The following GRM8 variants were observed in gnomAD, a reference collection of about 807,000 sequenced individuals.
GRM8 encodes the protein metabotropic glutamate receptor 8.
A neutral mutation model predicts 87.2 loss-of-function variants in GRM8; 47 were observed. The observed-to-expected ratio is 0.54, with a 90% confidence interval of 0.43 to 0.69. GRM8 has a LOEUF of 0.69. GRM8 is among the 30% of genes least tolerant of loss of function. The pLI is 0.00. For synonymous variants in GRM8, 396 were observed against 404.5 expected (o/e 0.98, Z 0.25); for missense variants, 1,019 against 1,139.2 (o/e 0.89, Z 1.52).
At chr7:127,226,591 C>T (rs945559878) in intron 2 of GRM8, among the ~76,000 whole-genome samples, 3 of 152,132 alleles carry the variant, frequency 2.0e-5, no homozygotes, top group Non-Finnish European at 2.9e-5. Flanking sequence ...TTCCTAAGAG[C>T]AGAACTGGCA....
At chr7:126,971,246 T>A (rs1489333443) in intron 3 of GRM8, among the ~76,000 whole-genome samples, 2 of 148,812 alleles carry the variant, frequency 1.3e-5, no homozygotes. Context: ...ATGTTGTACA[T>A]CATAAACACA....
chr7:126,592,102 G>A (rs1562986999), intron 8 of GRM8, among the ~76,000 whole-genome samples: 1 of 149,860 alleles, frequency 6.7e-6, no homozygotes, highest in Non-Finnish European at 1.5e-5. Flanking sequence ...CACATAAACA[G>A]ACCAATAATG....
At chr7:126,522,489 G>A (rs940382384) in intron 9 of GRM8, among the ~76,000 whole-genome samples, 28 of 152,078 alleles carry the variant, frequency 1.8e-4, no homozygotes, top group African/African-American at 4.8e-5. Context: ...CCAATTATCT[G>A]ACTATCCTTG....
rs571731000 is a variant in GRM8, at chr7:127,030,772, T to C, written c.727+75724A>G. ...CTAAAATGTGCATCTATTTAACCTA[T>C]TTCGGCCAACTTAACAACAGGAAAA... On this transcript the variant is annotated intron_variant, in intron 3 of 10. Coordinates refer to ENST00000339582, the MANE Select transcript of GRM8 (RefSeq NM_000845.3). Among the ~76,000 whole-genome samples, 4 of 152,254 alleles carry C rather than the reference T, an allele frequency of 2.6e-5. No individual in the cohort carries two copies. The South Asian group carries it at 8.3e-4, about 32-fold the overall frequency.
At chr7:126,687,546 C>T (rs1422052214) in intron 7 of GRM8, among the ~76,000 whole-genome samples, 2 of 151,702 alleles carry the variant, frequency 1.3e-5, no homozygotes, top group Admixed American at 6.6e-5. Flanking sequence ...CACATTACTA[C>T]TACAAATATG....
chr7:126,800,620 T>C (rs560161346), intron 6 of GRM8, among the ~76,000 whole-genome samples: 9 of 152,144 alleles, frequency 5.9e-5, no homozygotes, highest in African/African-American at 2.2e-4. Flanking sequence ...TCAAAGAATA[T>C]CCAGCCCTCT....
intron 9 of GRM8, among the ~76,000 whole-genome samples, chr7:126,469,773 T>C (rs951254855): frequency 1.3e-5 from 2 of 152,288 alleles, no homozygotes; most frequent in Admixed American, 1.3e-4. Flanking sequence ...CGAGTATGTC[T>C]TCATTAGCAG....
intron 3 of GRM8, among the ~76,000 whole-genome samples, chr7:127,004,052 A>G (rs564332080): frequency 1.3e-5 from 2 of 151,872 alleles, no homozygotes; most frequent in African/African-American, 4.8e-5. Context: ...TTATAAACAC[A>G]TACATTATTA....
chr7:127,016,330 C>T, intron 3 of GRM8, among the ~76,000 whole-genome samples: 1 of 151,978 alleles, frequency 6.6e-6, no homozygotes, highest in East Asian at 1.9e-4. Context: ...CCTAGATACA[C>T]TAAAAGGAGC....
At chr7:126,984,900 T>C (rs1332682499) in intron 3 of GRM8, among the ~76,000 whole-genome samples, 1 of 152,190 alleles carries the variant, frequency 6.6e-6, no homozygotes, top group African/African-American at 2.4e-5. Context: ...AAAATGATTT[T>C]AGACCTTTCA....
chr7:127,141,181 C>A (rs1828238214), intron 2 of GRM8, among the ~76,000 whole-genome samples: 1 of 151,966 alleles, frequency 6.6e-6, no homozygotes, highest in South Asian at 2.1e-4. Context: ...TCTCACCAAC[C>A]CTGCGGCTCT....
At chr7:127,214,487 G>T (rs1796403813) in intron 2 of GRM8, among the ~76,000 whole-genome samples, 1 of 152,224 alleles carries the variant, frequency 6.6e-6, no homozygotes. Flanking sequence ...CTGAGAGAGG[G>T]TAATTTATAA....
intron 7 of GRM8, among the ~76,000 whole-genome samples, chr7:126,751,904 T>C (rs1005602026): frequency 1.3e-5 from 2 of 152,146 alleles, no homozygotes; most frequent in Non-Finnish European, 2.9e-5. Flanking sequence ...CTGAACTGCT[T>C]AGAGAGAGCA....
chr7:126,613,707 C>T (rs1445501248), intron 7 of GRM8, among the ~76,000 whole-genome samples: 1 of 152,226 alleles, frequency 6.6e-6, no homozygotes, highest in Non-Finnish European at 1.5e-5. Flanking sequence ...ACGGTCTTAG[C>T]AAACGGCACA....
At chr7:126,842,872 C>G (rs1796400393) in intron 6 of GRM8, among the ~76,000 whole-genome samples, 2 of 152,148 alleles carry the variant, frequency 1.3e-5, no homozygotes, top group Admixed American at 1.3e-4. Flanking sequence ...CATTTCAAAC[C>G]TCTAAACTCC....
chr7:126,533,764 G>C lies in GRM8; in HGVS notation c.1618C>G (p.Arg540Gly). ...KGVPCCWHCE[R>G]CEGYNYQVDE... Reference sequence around the variant, plus strand: ...ACCTGGTAGTTGTAACCTTCACAGCGTTCACAGTGCCAGCAGCAAGGGACC... The same window carrying C: ...ACCTGGTAGTTGTAACCTTCACAGCCTTCACAGTGCCAGCAGCAAGGGACC... Residue 540 changes from arginine to glycine, a missense_variant, in exon 9 of 11, where the codon CGC becomes GGC. Transcript: ENST00000339582. 1.2e-6 allele frequency: 2 copies of C among 1,614,000 alleles called. No individual in the cohort carries two copies. Among genetic ancestry groups the C allele is most frequent in the Non-Finnish European group, 1.7e-6 (2 of 1,179,914 alleles).
Position 126,775,479 on chromosome 7 carries a change from G to GTTTTTT in GRM8, c.1157-5420_1157-5415dup, listed in dbSNP as rs372733476. Among the ~76,000 whole-genome samples the GTTTTTT allele has an allele frequency of 1.5e-3, 156 of 104,750 alleles. 5 individuals are homozygous for GTTTTTT. The highest frequency in any genetic ancestry group is 6.5e-3 in the African/African-American group (149 of 23,054). The allele number at this position is 104,750 out of a possible 152,430, so 68.7% of individuals were successfully genotyped here. On this transcript the variant is annotated intron_variant, in intron 6 of 10. Transcript: ENST00000339582. ...TGAGCGCTATCAAGCTGACAAATAGGTTTTTTTTTTTTTTTTTTTTTTTTT... is the reference window on the plus strand; with the variant it reads ...TGAGCGCTATCAAGCTGACAAATAGGTTTTTTTTTTTTTTTTTTTTTTTTTTTTTTT...
At chr7:126,641,903 ACTT>A (rs1338707284) in intron 7 of GRM8, among the ~76,000 whole-genome samples, 1 of 152,162 alleles carries the variant, frequency 6.6e-6, no homozygotes, top group Non-Finnish European at 1.5e-5. Context: ...AAAAAAGAAA[ACTT>A]CTCCACACTT....
intron 3 of GRM8, among the ~76,000 whole-genome samples, chr7:127,065,203 A>C (rs1373015627): frequency 2.6e-5 from 4 of 152,198 alleles, no homozygotes; most frequent in Non-Finnish European, 5.9e-5. Context: ...AAAGAACCAG[A>C]TCATGTTTTT....
Sources: allele counts gnomAD v4.1 joint callset (sites outside exome capture counted in the v4.1 genomes callset), GRCh38; gene constraint gnomAD v4.1.1; transcripts MANE v1.5; gene names NCBI Gene and HGNC (gene_info 2026-07-23, HGNC 2026-07-21).